Variants in TANC2 observed in about 807,000 individuals in gnomAD.
TANC2 encodes tetratricopeptide repeat, ankyrin repeat and coiled-coil containing 2, also known as protein TANC2.
Under a neutral mutation model 210.5 loss-of-function variants are expected in TANC2, and 26 were observed. That is an observed-to-expected ratio of 0.12 (90% CI 0.09 to 0.17). The LOEUF (loss-of-function observed/expected upper bound fraction) is 0.17, where lower values mean the gene tolerates loss of function less well. Among genes scored for constraint, TANC2 ranks in the 10% least tolerant of loss-of-function variants. The pLI, the probability that TANC2 is intolerant of heterozygous loss-of-function variation, is 1.00. For synonymous variants in TANC2, 931 were observed against 967.1 expected (o/e 0.96, Z 0.69); for missense variants, 2,129 against 2,608.9 (o/e 0.82, Z 4.01).
At chr17:63,122,448 G>C (rs899263640) in intron 4 of TANC2, among the ~76,000 whole-genome samples, 1 of 152,154 alleles carries the variant, frequency 6.6e-6, no homozygotes, top group African/African-American at 2.4e-5. Context: ...AGAAGATATG[G>C]AAACATGGCT....
At chr17:63,284,938 T>C (rs937574548) in intron 9 of TANC2, among the ~76,000 whole-genome samples, 16 of 152,176 alleles carry the variant, frequency 1.1e-4, no homozygotes, top group African/African-American at 3.1e-4. Flanking sequence ...AGGACTGTTA[T>C]GTATTCTTGA....
At chr17:63,151,073 T>C (rs2145401534) in intron 4 of TANC2, 197 bp from the exon 5 acceptor site, 2 of 152,104 alleles carry the variant, frequency 1.3e-5, no homozygotes. Context: ...TAGGGTAACC[T>C]GATCTGAGTC....
At chr17:63,046,476 C>T (rs1431496150) in intron 2 of TANC2, among the ~76,000 whole-genome samples, 1 of 151,704 alleles carries the variant, frequency 6.6e-6, no homozygotes, top group African/African-American at 2.4e-5. Flanking sequence ...AGATTACAGG[C>T]GCCCACCACA....
intron 10 of TANC2, among the ~76,000 whole-genome samples, chr17:63,315,655 C>T (rs1286329771): frequency 6.6e-6 from 1 of 152,218 alleles, no homozygotes; most frequent in East Asian, 1.9e-4. Flanking sequence ...TTTCAGACTG[C>T]AACCACTAGA....
At chr17:63,223,886 T>TTATG (rs1408847768) in intron 7 of TANC2, among the ~76,000 whole-genome samples, 2 of 152,106 alleles carry the variant, frequency 1.3e-5, no homozygotes, top group Non-Finnish European at 2.9e-5. Flanking sequence ...GTGGGTAGCT[T>TTATG]TATGTTATGT....
chr17:63,191,759 GGC>G (rs2145733632), intron 5 of TANC2, among the ~76,000 whole-genome samples: 1 of 152,156 alleles, frequency 6.6e-6, no homozygotes, highest in East Asian at 1.9e-4. Flanking sequence ...CACCGCGCCT[GGC>G]CCCACCCTTG....
At chr17:63,101,637 C>G (rs1190475649) in intron 4 of TANC2, among the ~76,000 whole-genome samples, 1 of 152,150 alleles carries the variant, frequency 6.6e-6, no homozygotes, top group Non-Finnish European at 1.5e-5. Context: ...CACTAAGACC[C>G]CTGCCTTCAA....
intron 7 of TANC2, among the ~76,000 whole-genome samples, chr17:63,215,713 A>G (rs763885608): frequency 5.9e-5 from 9 of 151,314 alleles, no homozygotes; most frequent in Non-Finnish European, 7.4e-5. Context: ...ATTTTATTTT[A>G]TTTTGTTTTG....
chr17:63,069,451 C>T (rs1361969680), intron 2 of TANC2, among the ~76,000 whole-genome samples: 1 of 152,152 alleles, frequency 6.6e-6, no homozygotes, highest in Non-Finnish European at 1.5e-5. Context: ...CTACAAAGTG[C>T]TGTCACATGT....
intron 7 of TANC2, among the ~76,000 whole-genome samples, chr17:63,234,810 G>C (rs1038105366): frequency 6.6e-6 from 1 of 152,138 alleles, no homozygotes; most frequent in Non-Finnish European, 1.5e-5. Context: ...CTACTTGTTA[G>C]CTATATAAGT....
intron 3 of TANC2, among the ~76,000 whole-genome samples, chr17:63,091,622 T>C (rs1488202835): frequency 1.3e-5 from 2 of 152,206 alleles, no homozygotes; most frequent in African/African-American, 4.8e-5. Flanking sequence ...AGCCTTGTAG[T>C]ATAGTTTGAA....
At chr17:63,321,959 C>T (rs2045508449) in intron 11 of TANC2, among the ~76,000 whole-genome samples, 1 of 152,124 alleles carries the variant, frequency 6.6e-6, no homozygotes. Flanking sequence ...AATTCCTATG[C>T]TTTGTGGAAG....
chr17:63,426,915 G>A (rs533231646), exon 28 of TANC2: 9 of 152,266 alleles, frequency 5.9e-5, no homozygotes, highest in African/African-American at 1.9e-4. Flanking sequence ...CGCCAGACAA[G>A]AGTTAATTCT....
At chr17:63,293,316 GA>G (rs2146434077) in intron 9 of TANC2, among the ~76,000 whole-genome samples, 1 of 152,334 alleles carries the variant, frequency 6.6e-6, no homozygotes, top group African/African-American at 2.4e-5. Flanking sequence ...GGTTTTGTAT[GA>G]AGCACATGTG....
intron 4 of TANC2, among the ~76,000 whole-genome samples, chr17:63,128,909 G>A (rs2038812267): frequency 6.6e-6 from 1 of 152,188 alleles, no homozygotes; most frequent in Non-Finnish European, 1.5e-5. Context: ...CCTACTAAAT[G>A]CCCTCTCAAA....
At chr17:62,983,985 A>G (rs1303466554) in intron 1 of TANC2, among the ~76,000 whole-genome samples, 3 of 152,128 alleles carry the variant, frequency 2.0e-5, no homozygotes, top group Admixed American at 1.3e-4. Flanking sequence ...GCCTTATACA[A>G]TGAGTTAGAG....
intron 14 of TANC2, among the ~76,000 whole-genome samples, chr17:63,361,526 A>G (rs1404402529): frequency 6.6e-6 from 1 of 152,254 alleles, no homozygotes; most frequent in Admixed American, 6.5e-5. Flanking sequence ...CGCAGCTTCC[A>G]CTGCAGGCAA....
At chr17:63,338,583 A>G (rs1205779436) in intron 11 of TANC2, among the ~76,000 whole-genome samples, 1 of 152,212 alleles carries the variant, frequency 6.6e-6, no homozygotes, top group African/African-American at 2.4e-5. Flanking sequence ...CTGTTCATTG[A>G]GAGGACAGAT....
intron 7 of TANC2, 52 bp downstream of exon 7, chr17:63,201,009 A>G (rs2041514505): frequency 6.7e-7 from 1 of 1,497,436 alleles, no homozygotes; most frequent in Non-Finnish European, 9.1e-7. Context: ...CCTTTTTAAA[A>G]TAATTACACA....
Sources: allele counts gnomAD v4.1 joint callset (sites outside exome capture counted in the v4.1 genomes callset), GRCh38; gene constraint gnomAD v4.1.1; transcripts MANE v1.5; gene names NCBI Gene and HGNC (gene_info 2026-07-23, HGNC 2026-07-21).